The following SUMF1 variants were observed in gnomAD, a reference collection of about 807,000 sequenced individuals.
SUMF1 encodes the protein formylglycine-generating enzyme.
SUMF1 carries 48 observed loss-of-function variants against 47.6 expected under a neutral mutation model. The observed-to-expected ratio is 1.01, with a 90% CI of 0.80 to 1.28. SUMF1 has a LOEUF of 1.28. SUMF1 is among the 50% of genes most tolerant of loss of function. The pLI, the probability that SUMF1 is intolerant of heterozygous loss-of-function variation, is 0.00. For synonymous variants in SUMF1, 230 were observed against 192.1 expected, an observed-to-expected ratio of 1.20 and a Z score of -1.63; for missense variants, 571 against 485.4, an observed-to-expected ratio of 1.18 and a Z score of -1.66.
chr3:4,186,105 G>C (rs1358017967), intron 8 of SUMF1, among the ~76,000 whole-genome samples: 2 of 152,068 alleles, frequency 1.3e-5, no homozygotes, highest in African/African-American at 4.8e-5. Context: ...ATACACCCAA[G>C]ATGTTACAAG....
intron 8 of SUMF1, among the ~76,000 whole-genome samples, chr3:4,230,893 T>G (rs914353773): frequency 2.0e-5 from 3 of 152,110 alleles, no homozygotes; most frequent in Non-Finnish European, 4.4e-5. Flanking sequence ...CACATATTTT[T>G]TATTTTATCA....
intron 8 of SUMF1, 66 bp from the exon 9 acceptor site, chr3:4,362,320 G>T: frequency 7.6e-7 from 1 of 1,308,634 alleles, no homozygotes; most frequent in Non-Finnish European, 1.1e-6. Context: ...TAACCCATCA[G>T]ATGCATATTG....
intron 8 of SUMF1, among the ~76,000 whole-genome samples, chr3:4,156,760 C>T (rs1419579388): frequency 6.6e-6 from 1 of 151,602 alleles, no homozygotes; most frequent in Admixed American, 6.6e-5. Context: ...TAATCTATTG[C>T]CCTAATTGCT....
chr3:4,407,299 T>C (rs759371957), intron 7 of SUMF1, among the ~76,000 whole-genome samples: 1 of 152,230 alleles, frequency 6.6e-6, no homozygotes, highest in Non-Finnish European at 1.5e-5. Flanking sequence ...ATTTCCTGAA[T>C]AGCCTTTGCA....
chr3:4,260,521 T>G (rs1003299005), intron 8 of SUMF1, among the ~76,000 whole-genome samples: 1 of 152,206 alleles, frequency 6.6e-6, no homozygotes, highest in Non-Finnish European at 1.5e-5. Flanking sequence ...CCAGCCCTGA[T>G]TATCAGAGAT....
At chr3:4,259,815 A>G (rs1223154827) in intron 8 of SUMF1, among the ~76,000 whole-genome samples, 1 of 152,198 alleles carries the variant, frequency 6.6e-6, no homozygotes, top group African/African-American at 2.4e-5. Flanking sequence ...GGTAGAACAT[A>G]TATTTCCAAA....
chr3:4,399,373 G>A (rs532720263), intron 7 of SUMF1, among the ~76,000 whole-genome samples: 44 of 152,176 alleles, frequency 2.9e-4, no homozygotes, highest in East Asian at 7.7e-4. Context: ...TTAAGTTGAC[G>A]GAGACCACTC....
chr3:4,459,970 C>G (rs1224531950), intron 1 of SUMF1, among the ~76,000 whole-genome samples: 1 of 152,146 alleles, frequency 6.6e-6, no homozygotes, highest in Non-Finnish European at 1.5e-5. Context: ...ATAGCAGGCT[C>G]ATTTTAAGTA....
intron 8 of SUMF1, among the ~76,000 whole-genome samples, chr3:4,083,501 C>T (rs1207681912): frequency 1.3e-5 from 2 of 152,222 alleles, no homozygotes; most frequent in African/African-American, 2.4e-5. Context: ...CTATGAAACA[C>T]CCAGAAGAAG....
At chr3:4,231,200 G>A (rs536380898) in intron 8 of SUMF1, among the ~76,000 whole-genome samples, 17 of 152,060 alleles carry the variant, frequency 1.1e-4, no homozygotes, top group Non-Finnish European at 2.2e-4. Context: ...AGGTGGGAAC[G>A]CATTTATTAC....
At chr3:4,112,209 G>A (rs1693323638) in intron 8 of SUMF1, among the ~76,000 whole-genome samples, 1 of 152,096 alleles carries the variant, frequency 6.6e-6, no homozygotes, top group African/African-American at 2.4e-5. Context: ...ATCTACTGAG[G>A]ATACTTATAA....
chr3:4,177,076 A>G (rs955553714), intron 8 of SUMF1, among the ~76,000 whole-genome samples: 3 of 152,164 alleles, frequency 2.0e-5, no homozygotes, highest in African/African-American at 7.2e-5. Context: ...TCAGACTCCC[A>G]CACAATAAAA....
intron 8 of SUMF1, among the ~76,000 whole-genome samples, chr3:4,091,018 T>A (rs1050783049): frequency 2.6e-5 from 4 of 151,338 alleles, no homozygotes; most frequent in African/African-American, 7.3e-5. Context: ...GAGGCGGAGG[T>A]TGCAGTGAGC....
At chr3:4,268,827 G>C (rs550152761) in intron 8 of SUMF1, among the ~76,000 whole-genome samples, 20 of 151,920 alleles carry the variant, frequency 1.3e-4, no homozygotes, top group South Asian at 1.2e-3. Context: ...GTTAATTTTA[G>C]CATCACAGGA....
intron 3 of SUMF1, among the ~76,000 whole-genome samples, chr3:4,427,046 T>C (rs552748702): frequency 6.6e-6 from 1 of 152,256 alleles, no homozygotes; most frequent in South Asian, 2.1e-4. Context: ...TAGTAGCAGC[T>C]TAAAGAAAAG....
At chr3:4,396,273 C>T (rs1701035346) in intron 7 of SUMF1, among the ~76,000 whole-genome samples, 1 of 152,228 alleles carries the variant, frequency 6.6e-6, no homozygotes, top group Non-Finnish European at 1.5e-5. Flanking sequence ...TAGACTGTAA[C>T]ATTTTTCGAA....
chr3:4,208,630 TAAGA>T (rs1295936774), intron 8 of SUMF1, among the ~76,000 whole-genome samples: 1 of 151,890 alleles, frequency 6.6e-6, no homozygotes, highest in East Asian at 1.9e-4. Flanking sequence ...ACGAAAATTC[TAAGA>T]AAGAACCAAA....
intron 8 of SUMF1, among the ~76,000 whole-genome samples, chr3:4,340,192 T>C (rs1263691709): frequency 6.6e-6 from 1 of 152,108 alleles, no homozygotes; most frequent in African/African-American, 2.4e-5. Context: ...GAGTAGAGCC[T>C]GAGTATCTGC....
At chr3:4,421,664 G>A (rs1417797917) in intron 3 of SUMF1, among the ~76,000 whole-genome samples, 1 of 152,002 alleles carries the variant, frequency 6.6e-6, no homozygotes, top group African/African-American at 2.4e-5. Context: ...GTATTTTTTT[G>A]TAGAGATGGG....
Sources: gnomAD v4.1 joint callset for allele counts (sites outside exome capture counted in the v4.1 genomes callset) on GRCh38, gnomAD v4.1.1 for gene constraint, MANE v1.5 for transcripts, NCBI Gene and HGNC (gene_info 2026-07-23, HGNC 2026-07-21) for gene names.